The following MYO19 variants were observed in gnomAD, a reference collection of about 807,000 sequenced individuals.
The protein encoded by MYO19 is unconventional myosin-XIX.
A neutral mutation model predicts 129.2 loss-of-function variants in MYO19; 132 were observed. The ratio of observed to expected loss-of-function variants is 1.02; its 90% CI spans 0.89 to 1.18. The LOEUF is 1.18. MYO19 is among the 50% of genes most tolerant of loss of function. The pLI, the probability that MYO19 is intolerant of heterozygous loss-of-function variation, is 0.00. For synonymous variants in MYO19, 531 were observed against 477.2 expected, an observed-to-expected ratio of 1.11 and a Z score of -1.47; for missense variants, 1,210 against 1,216.7, an observed-to-expected ratio of 0.99 and a Z score of 0.08.
chr17:36,506,776 G>GT (rs2071923183), intron 17 of MYO19, 168 bp from the exon 18 acceptor site: 1 of 1,074,106 alleles, frequency 9.3e-7, no homozygotes, highest in African/African-American at 1.6e-5. Context: ...TCTAACATGG[G>GT]TTATCTCCAG....
chr17:36,518,610 G>GTA (rs373942887), intron 6 of MYO19, among the ~76,000 whole-genome samples: 1 of 129,406 alleles, frequency 7.7e-6, no homozygotes, highest in East Asian at 2.3e-4. Flanking sequence ...ATAAAAGTAT[G>GTA]TATATATATG....
At chr17:36,512,624 G>A (rs2072440140) in intron 11 of MYO19, 7 of 1,287,062 alleles carry the variant, frequency 5.4e-6, no homozygotes, top group Non-Finnish European at 7.1e-6. Context: ...TCCTGGGCTT[G>A]TCCCCAGGTA....
upstream of MYO19, chr17:36,535,229 G>A (rs965837035): frequency 2.0e-5 from 3 of 152,168 alleles, no homozygotes; most frequent in Admixed American, 2.0e-4. Flanking sequence ...AGTGTTGTGC[G>A]AGGCCGGCGG....
intron 2 of MYO19, among the ~76,000 whole-genome samples, chr17:36,540,816 T>A (rs1041311785): frequency 1.3e-5 from 2 of 152,188 alleles, no homozygotes; most frequent in East Asian, 3.8e-4. Flanking sequence ...CACATAAAAC[T>A]GTGGTTATTA....
In MYO19 at chr17:36,498,377, C is replaced by A; in HGVS notation, c.2646G>T (p.Arg882Ser). 6.2e-7 allele frequency: 1 copy of A among 1,614,032 alleles called. No individual in the cohort carries two copies. Among genetic ancestry groups the A allele is most frequent in the Non-Finnish European group, 8.5e-7 (1 of 1,179,884 alleles). ...GGAGGCAAGCCCAGACCACTAATTTCCTCTGAAAGCTGCCTACACCCATAG... is the reference window on the plus strand; with the variant it reads ...GGAGGCAAGCCCAGACCACTAATTTACTCTGAAAGCTGCCTACACCCATAG... ...NTAMGVGSFQ[R>S]KLVVWACLQL... The change falls in exon 25 of 26, where the codon AGG becomes AGT. Residue 882 changes from arginine to serine, a missense_variant. Transcript: ENST00000614623.
upstream of MYO19, chr17:36,537,445 A>G: frequency 6.2e-7 from 1 of 1,614,104 alleles, no homozygotes; most frequent in African/African-American, 1.3e-5. Flanking sequence ...ATCCTTGAAA[A>G]ATTCTTGAAC....
Position 36,513,657 on chromosome 17 carries a change from C to T in MYO19, c.789G>A (p.Trp263Ter). 6.2e-7 allele frequency: 1 copy of T among 1,614,002 alleles called. No individual in the cohort carries two copies. Among genetic ancestry groups the T allele is most frequent in the Non-Finnish European group, 8.5e-7 (1 of 1,179,890 alleles). ...CTAAGCTCCTCTCTGGGTTGGGCAG[C>T]CAGGAGAAGGCAGCTCCCTCAGGAA... ...WHLPEGAAFS[W>*]LPNPERSLEE... Residue 263 changes from tryptophan (W) to a stop codon, truncating the protein, a stop_gained, in exon 10 of 26, where the codon TGG (tryptophan) becomes TGA (stop). Coordinates refer to ENST00000614623, the MANE Select transcript of MYO19 (RefSeq NM_001163735.2). LOFTEE classifies it high-confidence loss of function.
At chr17:36,507,564 C>T in intron 15 of MYO19, 52 bp from the exon 16 acceptor site, 1 of 1,569,018 alleles carries the variant, frequency 6.4e-7, no homozygotes, top group Non-Finnish European at 8.7e-7. Flanking sequence ...GTCTGATGTC[C>T]TGACGGGCCA....
At chr17:36,515,028 G>C (rs1322427389) in intron 8 of MYO19, 85 bp downstream of exon 8, 8 of 1,283,076 alleles carry the variant, frequency 6.2e-6, no homozygotes, top group Non-Finnish European at 8.7e-6. Flanking sequence ...TGCCCATAGG[G>C]GTGGCCCAGG....
chr17:36,541,277 T>A (rs535307498), intron 2 of MYO19, among the ~76,000 whole-genome samples: 1 of 152,118 alleles, frequency 6.6e-6, no homozygotes, highest in Non-Finnish European at 1.5e-5. Context: ...AAACTGGGGA[T>A]GTCTACTACA....
intron 13 of MYO19, 91 bp from the exon 14 acceptor site, chr17:36,509,226 T>TG (rs1201535590): frequency 3.6e-6 from 4 of 1,109,020 alleles, no homozygotes; most frequent in South Asian, 1.3e-5. Flanking sequence ...TGCTACACCC[T>TG]GGGGGGCCCT....
chr17:36,524,100 T>G (rs2073311803), intron 6 of MYO19, among the ~76,000 whole-genome samples: 1 of 152,194 alleles, frequency 6.6e-6, no homozygotes, highest in Non-Finnish European at 1.5e-5. Flanking sequence ...AGGTTCAGCT[T>G]CAGTTCCCCA....
chr17:36,525,063 G>A (rs1030911766), intron 6 of MYO19, among the ~76,000 whole-genome samples, 165 bp downstream of exon 6: 9 of 152,214 alleles, frequency 5.9e-5, no homozygotes, highest in South Asian at 4.2e-4. Context: ...CTTGACTTCC[G>A]GCTCAGTGCT....
intron 14 of MYO19, 40 bp downstream of exon 14, chr17:36,509,022 C>G: frequency 6.3e-7 from 1 of 1,589,246 alleles, no homozygotes; most frequent in South Asian, 1.1e-5. Context: ...CTTTATTGCT[C>G]TTTTTCTGGA....
chr17:36,513,057 C>T, intron 11 of MYO19: 1 of 1,196,036 alleles, frequency 8.4e-7, no homozygotes, highest in Non-Finnish European at 1.1e-6. Flanking sequence ...ACACAGAGGA[C>T]TGTTTAAAAA....
chr17:36,498,076 AG>A (rs1163905793), intron 25 of MYO19, 189 bp downstream of exon 25: 12 of 590,310 alleles, frequency 2.0e-5, no homozygotes, highest in African/African-American at 3.7e-5. Context: ...GGGCTCTGGA[AG>A]ATTCCCAGTT....
At chr17:36,497,185 A>T (rs1044793419) in intron 25 of MYO19, among the ~76,000 whole-genome samples, 4 of 151,708 alleles carry the variant, frequency 2.6e-5, no homozygotes, top group Non-Finnish European at 5.9e-5. Flanking sequence ...CAAAAAAAAA[A>T]ATATAGCCAG....
At chr17:36,513,749 G>A (rs1418338327) in intron 9 of MYO19, 24 bp from the exon 10 acceptor site, 2 of 1,603,266 alleles carry the variant, frequency 1.2e-6, no homozygotes, top group African/African-American at 2.7e-5. Flanking sequence ...TAGGTGGGAG[G>A]CTGGGTAGGG....
Position 36,532,656 on chromosome 17 carries a change from G to T in MYO19, c.-118C>A. On this transcript the variant is annotated 5_prime_UTR_variant, in exon 3 of 26. Coordinates refer to ENST00000614623, the MANE Select transcript of MYO19 (RefSeq NM_001163735.2). ...TCCAACAAAGGGCTCAGTTCTGGAG[G>T]AATCTCAGACAAGTCACTCCAGCGC... 1 of 1,258,488 alleles carries T rather than the reference G, an allele frequency of 7.9e-7. No homozygotes were observed. The highest frequency in any genetic ancestry group is 2.0e-5 in the Admixed American group (1 of 49,832). 78.0% of individuals were successfully genotyped at this position (1,258,488 alleles called of 1,614,324 possible).
Sources: allele counts gnomAD v4.1 joint callset (sites outside exome capture counted in the v4.1 genomes callset), GRCh38; gene constraint gnomAD v4.1.1; transcripts MANE v1.5; gene names NCBI Gene and HGNC (gene_info 2026-07-23, HGNC 2026-07-21).